DYSF: variants seen among roughly 807,000 people sequenced by gnomAD.
DYSF encodes the protein dysferlin.
A neutral mutation model predicts 274.9 loss-of-function variants in DYSF; 212 were observed. The observed-to-expected ratio is 0.77, with a 90% CI of 0.69 to 0.86. The LOEUF (loss-of-function observed/expected upper bound fraction) is 0.86. Ranked by LOEUF, DYSF falls within the 40% of genes least tolerant of loss-of-function variation. The probability of loss-of-function intolerance (pLI) is 0.00; values close to 1 mark genes in which losing one functional copy is unlikely to be tolerated. For missense variants in DYSF, 2,666 were observed against 2,783.2 expected (o/e 0.96, Z 0.95); for synonymous variants, 1,091 against 1,078.7 (o/e 1.01, Z -0.22).
intron 41 of DYSF, among the ~76,000 whole-genome samples, chr2:71,636,752 TGAGAGTGGATA>T (rs1205713462): frequency 6.6e-6 from 1 of 151,216 alleles, no homozygotes; most frequent in African/African-American, 2.4e-5. Context: ...CCCAAGGGAG[TGAGAGTGGATA>T]GAGAGGATGG....
chr2:71,574,362 G>A lies in DYSF; in HGVS notation c.3393G>A (p.Glu1131=), dbSNP rs1397291523. ...KTGPAAVFAL[E]GALGGVMDDK... ...GGCCTGCAGCTGTGTTTGCCCTTGA[G>A]GGGGCCCTGGTATGTGGGGCTGCAC... Residue 1131 remains glutamate, a synonymous_variant, in exon 30 of 56, where the codon GAG becomes GAA. Transcript: ENST00000410020. The A allele has an allele frequency of 6.2e-7, 1 of 1,613,678 alleles. No individual in the cohort carries two copies. Among genetic ancestry groups the A allele is most frequent in the Non-Finnish European group, 8.5e-7 (1 of 1,179,678 alleles).
chr2:71,484,032 T>TG (rs1178541422), intron 3 of DYSF, among the ~76,000 whole-genome samples: 1 of 140,898 alleles, frequency 7.1e-6, no homozygotes, highest in African/African-American at 2.6e-5. Context: ...ACAGGCTCTG[T>TG]GGGGAGATTT....
At position 71,606,072 on chromosome 2, in the gene DYSF, C is replaced by T. The variant is rs190963292; in HGVS notation, c.3957+3267C>T. On this transcript the variant is annotated intron_variant, in intron 36 of 55. Coordinates refer to ENST00000410020, the MANE Select transcript of DYSF (RefSeq NM_001130987.2). The stretch of plus-strand genomic sequence containing the variant: ...GATGCAGGAGGCTTGCCAACACTTC[C>T]CTTGCCCTGGGAGCGACTCCTGTCT... Among the ~76,000 whole-genome samples the T allele has an allele frequency of 4.0e-5, 6 of 148,994 alleles. No individual in the cohort carries two copies. The East Asian group carries it at 7.8e-4, about 19-fold the overall frequency.
At chr2:71,605,208 C>A (rs1484854253) in intron 36 of DYSF, among the ~76,000 whole-genome samples, 1 of 152,230 alleles carries the variant, frequency 6.6e-6, no homozygotes, top group Non-Finnish European at 1.5e-5. Flanking sequence ...TGCTCCTTGG[C>A]CCCAGCTTCC....
At position 71,669,659 on chromosome 2, in the gene DYSF, C is replaced by T. The variant is rs576040501; in HGVS notation, c.5697C>T (p.Ser1899=). Residue 1899 remains serine (S), a synonymous_variant, in exon 51 of 56, where the codon TCC becomes TCT. Coordinates refer to ENST00000410020, the MANE Select transcript of DYSF (RefSeq NM_001130987.2). ...AAAAGACAGACGTGCATTATCGTTCCCTGGGAGGTGAAGGCAACTTCAACT... is the reference window on the plus strand; with the variant it reads ...AAAAGACAGACGTGCATTATCGTTCTCTGGGAGGTGAAGGCAACTTCAACT... ...HKQKTDVHYR[S]LGGEGNFNWR... is the part of the protein sequence containing the mutation. The T allele has an allele frequency of 5.6e-6, 9 of 1,614,150 alleles. No homozygotes were observed. In the Admixed American group the frequency reaches 1.5e-4, roughly 27 times the overall value.
intron 42 of DYSF, among the ~76,000 whole-genome samples, chr2:71,650,767 A>G (rs928487065): frequency 6.6e-6 from 1 of 152,188 alleles, no homozygotes; most frequent in Non-Finnish European, 1.5e-5. Flanking sequence ...AAAACCCTCT[A>G]TTTTAACAAT....
chr2:71,618,140 G>A (rs2093958041), intron 40 of DYSF, among the ~76,000 whole-genome samples: 1 of 148,332 alleles, frequency 6.7e-6, no homozygotes, highest in African/African-American at 2.5e-5. Context: ...GGTGGCGTGT[G>A]TGGTAGAGGT....
chr2:71,473,541 G>A (rs2082183767), intron 1 of DYSF, among the ~76,000 whole-genome samples: 1 of 152,094 alleles, frequency 6.6e-6, no homozygotes, highest in Non-Finnish European at 1.5e-5. Flanking sequence ...CTCTCACTGG[G>A]AGTCTGAGAC....
chr2:71,579,583 G>A (rs936219733), intron 30 of DYSF, among the ~76,000 whole-genome samples: 11 of 152,212 alleles, frequency 7.2e-5, no homozygotes, highest in African/African-American at 2.2e-4. Flanking sequence ...ACTTTACCAC[G>A]TGCTAAAAAC....
At chr2:71,652,945 C>G (rs1023973479) in intron 42 of DYSF, among the ~76,000 whole-genome samples, 1 of 152,192 alleles carries the variant, frequency 6.6e-6, no homozygotes, top group Non-Finnish European at 1.5e-5. Context: ...AAATTAAATT[C>G]TTGCCTCACG....
intron 3 of DYSF, among the ~76,000 whole-genome samples, chr2:71,497,042 G>A (rs151059672): frequency 1.2e-4 from 18 of 152,302 alleles, no homozygotes; most frequent in African/African-American, 4.1e-4. Flanking sequence ...TTCCTTGTCT[G>A]TGAGGTGGAC....
rs10683765 is a variant in DYSF, at chr2:71,641,178, A to ATTT, written c.4528-2771_4528-2769dup. 6.7e-4 allele frequency among the ~76,000 whole-genome samples: 84 copies of ATTT among 124,496 alleles called. 2 individuals are homozygous for ATTT. The highest frequency in any genetic ancestry group is 9.9e-4 in the South Asian group (4 of 4,024). The allele number at this position is 124,496 out of a possible 152,430, so 81.7% of individuals were successfully genotyped here. A position where few individuals can be genotyped will look rare whatever the true frequency, so the allele number is the denominator to read the frequency against. The stretch of plus-strand genomic sequence containing the variant: ...AATTAGATTTGATAAATGTTTATCT[A>ATTT]TTTTTTTTTTTTTTTTTTGAGACGG... On this transcript the variant is annotated intron_variant, in intron 41 of 55. Transcript: ENST00000410020.
intron 47 of DYSF, 54 bp downstream of exon 47, chr2:71,665,358 C>T: frequency 6.2e-7 from 1 of 1,611,004 alleles, no homozygotes; most frequent in Non-Finnish European, 8.5e-7. Context: ...ATCCCTCCCT[C>T]TCTCATCAGA....
intron 30 of DYSF, among the ~76,000 whole-genome samples, chr2:71,583,611 G>T (rs1055380379): frequency 6.6e-6 from 1 of 152,164 alleles, no homozygotes; most frequent in East Asian, 1.9e-4. Context: ...CCACTTTATA[G>T]ATCCTGAGCC....
chr2:71,518,625 C>T (rs2086903656), intron 10 of DYSF, among the ~76,000 whole-genome samples: 1 of 151,940 alleles, frequency 6.6e-6, no homozygotes, highest in Admixed American at 6.6e-5. Context: ...TTGAAATTTT[C>T]AAGGATTTCT....
exon 1 of DYSF, chr2:71,454,059 G>T (rs1202468899): frequency 1.2e-6 from 2 of 1,614,134 alleles, no homozygotes; most frequent in Non-Finnish European, 1.7e-6. Context: ...CGACATCAGC[G>T]ATGCCTACTG....
In DYSF at chr2:71,674,279, C is replaced by T. The variant is rs1346088759; in HGVS notation, c.5867C>T (p.Ser1956Phe). 3 of 1,614,124 alleles carry T rather than the reference C, an allele frequency of 1.9e-6. No individual in the cohort carries two copies. The highest frequency in any genetic ancestry group is 1.3e-5 in the African/African-American group (1 of 74,944). ...CAGATCTGGGACAATGACAAGTTCT[C>T]CTTTGATGATTTTCTGGGTAAGCGC... Reference protein sequence around the residue: ...VFQIWDNDKFSFDDFLGSLQL... With the variant: ...VFQIWDNDKFFFDDFLGSLQL... The change falls in exon 52 of 56, where the codon TCC becomes TTC. Residue 1956 changes from serine (S) to phenylalanine (F), a missense_variant. Transcript: ENST00000410020.
chr2:71,458,140 G>A (rs2081146370), intron 1 of DYSF, among the ~76,000 whole-genome samples: 1 of 152,154 alleles, frequency 6.6e-6, no homozygotes, highest in South Asian at 2.1e-4. Context: ...GTAAAGTGTT[G>A]ATAACAATAG....
chr2:71,567,315 G>T (rs1049152819), intron 24 of DYSF, among the ~76,000 whole-genome samples: 3 of 152,182 alleles, frequency 2.0e-5, no homozygotes, highest in African/African-American at 7.2e-5. Context: ...AGTAACCAAA[G>T]AAATAAAATA....
Sources: gnomAD v4.1 joint callset for allele counts (sites outside exome capture counted in the v4.1 genomes callset) on GRCh38, gnomAD v4.1.1 for gene constraint, MANE v1.5 for transcripts, NCBI Gene and HGNC (gene_info 2026-07-23, HGNC 2026-07-21) for gene names.